Variants in LPIN2 observed in about 807,000 individuals in gnomAD.
The protein encoded by LPIN2 is lipin 2, also known as phosphatidate phosphatase LPIN2.
A neutral mutation model predicts 111.4 loss-of-function variants in LPIN2; 55 were observed. The observed-to-expected ratio is 0.49, with a 90% CI of 0.40 to 0.62. LPIN2 has a LOEUF of 0.62. LPIN2 is among the 20% of genes least tolerant of loss of function. The probability of loss-of-function intolerance (pLI) is 0.00; values close to 1 mark genes in which losing one functional copy is unlikely to be tolerated. For synonymous variants in LPIN2, 425 were observed against 414.0 expected, an observed-to-expected ratio of 1.03 and a Z score of -0.32; for missense variants, 992 against 1,112.1, an observed-to-expected ratio of 0.89 and a Z score of 1.54.
chr18:3,013,134 G>A lies in LPIN2; in HGVS notation c.-57C>T, dbSNP rs929908227. The A allele has an allele frequency of 6.6e-6, 1 of 150,718 alleles. No homozygotes were observed. The highest frequency in any genetic ancestry group is 1.9e-4 in the East Asian group (1 of 5,170). The allele number at this position is 150,718 out of a possible 1,614,324, so 9.3% of individuals were successfully genotyped here. A position where few individuals can be genotyped will look rare whatever the true frequency, so the allele number is the denominator to read the frequency against. Reference sequence around the variant, plus strand: ...CAGCGGGCGGCTGAGGGCAGGCGGCGGCTGGACTGCGACGGCTAGGACCCG... The same window carrying A: ...CAGCGGGCGGCTGAGGGCAGGCGGCAGCTGGACTGCGACGGCTAGGACCCG... On this transcript the variant is annotated 5_prime_UTR_variant, in exon 1 of 20. Transcript: ENST00000677752.
intron 1 of LPIN2, among the ~76,000 whole-genome samples, chr18:2,978,250 T>G (rs1335714672): frequency 1.3e-5 from 2 of 152,066 alleles, no homozygotes; most frequent in Admixed American, 6.5e-5. Context: ...TGTCTGGATA[T>G]TCTCAAAGTA....
At chr18:3,009,552 C>T (rs994856605) in intron 1 of LPIN2, among the ~76,000 whole-genome samples, 1 of 151,828 alleles carries the variant, frequency 6.6e-6, no homozygotes, top group Non-Finnish European at 1.5e-5. Context: ...GATTCTCCTG[C>T]CTCAGCCTCC....
chr18:2,989,205 C>A (rs937034486), intron 1 of LPIN2, among the ~76,000 whole-genome samples: 10 of 152,096 alleles, frequency 6.6e-5, no homozygotes, highest in Non-Finnish European at 1.2e-4. Context: ...AGCTAGAGCT[C>A]AAGATGTCTT....
At chr18:2,993,617 C>G (rs1013080571) in intron 1 of LPIN2, among the ~76,000 whole-genome samples, 5 of 148,158 alleles carry the variant, frequency 3.4e-5, no homozygotes, top group Admixed American at 6.8e-5. Flanking sequence ...AAAAAGTTAA[C>G]GTGTAACTTT....
At chr18:2,991,825 G>A (rs1049474110) in intron 1 of LPIN2, among the ~76,000 whole-genome samples, 2 of 151,972 alleles carry the variant, frequency 1.3e-5, no homozygotes, top group African/African-American at 4.8e-5. Flanking sequence ...GCCTGGCCAA[G>A]ATGGCGAAAC....
rs2076992941 is a variant in LPIN2, at chr18:2,917,886, C to G, written c.*2407G>C. The G allele has an allele frequency of 6.6e-6, 1 of 152,158 alleles. No homozygotes were observed. Among genetic ancestry groups the G allele is most frequent in the Non-Finnish European group, 1.5e-5 (1 of 68,036 alleles). The allele number at this position is 152,158 out of a possible 1,614,324, so 9.4% of individuals were successfully genotyped here. On this transcript the variant is annotated 3_prime_UTR_variant, in exon 20 of 20. Coordinates refer to ENST00000677752, the MANE Select transcript of LPIN2 (RefSeq NM_001375808.2). The stretch of plus-strand genomic sequence containing the variant: ...GCCTGCCATCTCCCTGAGCCGTCAC[C>G]CGTCACTGAAGATAGCGCGAGGGTG...
At chr18:2,999,076 A>C (rs2078389176) in intron 1 of LPIN2, among the ~76,000 whole-genome samples, 1 of 152,208 alleles carries the variant, frequency 6.6e-6, no homozygotes, top group Non-Finnish European at 1.5e-5. Flanking sequence ...ATATTGCTCT[A>C]ACTAGACATC....
rs185295089 is a variant in LPIN2 at position 3,012,612 on chromosome 18, C to T, written c.-10+475G>A. Among the ~76,000 whole-genome samples, 1,285 of 152,328 alleles carry T rather than the reference C, an allele frequency of 8.4e-3. 11 individuals carry two copies. The highest frequency in any genetic ancestry group is 0.011 in the Non-Finnish European group (781 of 68,006). On this transcript the variant is annotated intron_variant, in intron 1 of 19. Coordinates refer to ENST00000677752, the MANE Select transcript of LPIN2 (RefSeq NM_001375808.2). ...CAGCAACTCGGCGGCCCCCGCCTCG[C>T]CGCAGATCACGTGCCCGGCGCCCCC...
chr18:2,933,333 G>GA (rs879740849), intron 8 of LPIN2, among the ~76,000 whole-genome samples: 1 of 152,076 alleles, frequency 6.6e-6, no homozygotes, highest in Admixed American at 6.6e-5. Context: ...TATACCGAAG[G>GA]AATACCAATA....
chr18:2,927,669 T>G, intron 12 of LPIN2, 53 bp downstream of exon 12: 1 of 1,586,108 alleles, frequency 6.3e-7, no homozygotes, highest in Non-Finnish European at 8.7e-7. Flanking sequence ...TTTGAATAAA[T>G]GAAAGATTCA....
chr18:3,009,835 T>A (rs956829433), intron 1 of LPIN2, among the ~76,000 whole-genome samples: 1 of 152,260 alleles, frequency 6.6e-6, no homozygotes, highest in Non-Finnish European at 1.5e-5. Context: ...AAAGACTGAA[T>A]TGCAGTCAGT....
At chr18:2,998,035 T>C (rs2078372335) in intron 1 of LPIN2, among the ~76,000 whole-genome samples, 1 of 152,228 alleles carries the variant, frequency 6.6e-6, no homozygotes, top group Admixed American at 6.5e-5. Flanking sequence ...GAGGAGTCTT[T>C]CCCAATGTCA....
rs546666631 is a variant in LPIN2, at chr18:2,990,866, ACCTC to A, written c.-10+22217_-10+22220del. 4.2e-3 allele frequency: 2,036 copies of A among 484,970 alleles called. 10 individuals carry two copies. Among genetic ancestry groups the A allele is most frequent in the Admixed American group, 9.4e-3 (405 of 42,926 alleles). The allele number at this position is 484,970 out of a possible 1,614,324, so 30.0% of individuals were successfully genotyped here. ...CCCCGCCGGCAGGGACAATGATACT[ACCTC>A]CCTCCAGTCTTCTGGGTCCTCCTCA... On this transcript the variant is annotated intron_variant, in intron 1 of 19. Coordinates refer to ENST00000677752, the MANE Select transcript of LPIN2 (RefSeq NM_001375808.2).
At position 2,958,309 on chromosome 18, in the gene LPIN2, G is replaced by A. The variant is rs112534800; in HGVS notation, c.192+2340C>T. Among the ~76,000 whole-genome samples the A allele has an allele frequency of 3.1e-3, 472 of 151,924 alleles. 3 individuals carry two copies. Among genetic ancestry groups the A allele is most frequent in the African/African-American group, 0.011 (450 of 41,448 alleles). The stretch of plus-strand genomic sequence containing the variant: ...AGTTACTAAATTTACTGGGAGTACT[G>A]CTGTTCTACCAAACAATTACGTATC... On this transcript the variant is annotated intron_variant, in intron 2 of 19. Coordinates refer to ENST00000677752, the MANE Select transcript of LPIN2 (RefSeq NM_001375808.2).
At chr18:2,959,804 ATT>A (rs2077679660) in intron 2 of LPIN2, among the ~76,000 whole-genome samples, 2 of 152,186 alleles carry the variant, frequency 1.3e-5, no homozygotes, top group African/African-American at 4.8e-5. Context: ...CAGAATTTAG[ATT>A]ACAAAAGTTT....
intron 4 of LPIN2, chr18:2,950,804 T>C (rs965746538): frequency 3.8e-6 from 2 of 532,882 alleles, no homozygotes; most frequent in East Asian, 3.3e-5. Context: ...TTAGAACTTA[T>C]TTGGCTCCTG....
Position 2,951,036 on chromosome 18 carries a change from C to T in LPIN2, c.590+19G>A. ...CTCTAGGTACCCGCACAAGACCCTT[C>T]CCAGGCTGAGAGTCCTACCGTGCTG... is the stretch of plus-strand genomic sequence containing the variant. On this transcript the variant is annotated intron_variant, in intron 4 of 19. Transcript: ENST00000677752. 6.2e-7 allele frequency: 1 copy of T among 1,613,802 alleles called. No individual in the cohort carries two copies. The highest frequency in any genetic ancestry group is 1.7e-5 in the Admixed American group (1 of 60,028).
chr18:2,952,566 C>G (rs1436197496), intron 3 of LPIN2, among the ~76,000 whole-genome samples: 6 of 152,100 alleles, frequency 3.9e-5, no homozygotes, highest in Admixed American at 3.9e-4. Context: ...TACCCTGAAG[C>G]TAAAGTTTGA....
chr18:2,944,345 T>C (rs1254735854), intron 4 of LPIN2, among the ~76,000 whole-genome samples: 1 of 95,408 alleles, frequency 1.0e-5, no homozygotes, highest in African/African-American at 6.1e-5. Context: ...TTTTTTTTTT[T>C]TTTTTTTTTT....
Sources: gnomAD v4.1 joint callset for allele counts (sites outside exome capture counted in the v4.1 genomes callset) on GRCh38, gnomAD v4.1.1 for gene constraint, MANE v1.5 for transcripts, NCBI Gene and HGNC (gene_info 2026-07-23, HGNC 2026-07-21) for gene names.